HIVEP3: variants seen among roughly 807,000 people sequenced by gnomAD.
The protein encoded by HIVEP3 is HIVEP zinc finger 3, also known as transcription factor HIVEP3.
HIVEP3 carries 49 observed loss-of-function variants against 152.8 expected under a neutral mutation model. The ratio of observed to expected loss-of-function variants is 0.32; its 90% confidence interval spans 0.26 to 0.41. HIVEP3 has a LOEUF of 0.41. HIVEP3 is among the 10% of genes least tolerant of loss of function. The pLI is 1.00. For synonymous variants in HIVEP3, 1,269 were observed against 1,289.0 expected (o/e 0.98, Z 0.33); for missense variants, 2,790 against 3,103.3 (o/e 0.90, Z 2.40).
At chr1:41,836,949 C>T (rs1643141716) in intron 1 of HIVEP3, among the ~76,000 whole-genome samples, 1 of 152,224 alleles carries the variant, frequency 6.6e-6, no homozygotes, top group Admixed American at 6.5e-5. Context: ...AAATCCATCC[C>T]CTACACAGCA....
Position 41,727,332 on chromosome 1 carries a change from C to T in HIVEP3, c.-800-26337G>A, listed in dbSNP as rs996428349. 6.6e-5 allele frequency among the ~76,000 whole-genome samples: 10 copies of T among 152,198 alleles called. No homozygotes were observed. The East Asian group carries it at 9.6e-4, about 15-fold the overall frequency. ...GACAGCCACCTCAGCTTCCCCACCA[C>T]GAGGGATGAAGCCGGGAGGCAGCCC... On this transcript the variant is annotated intron_variant, in intron 1 of 8. Coordinates refer to ENST00000372583, the MANE Select transcript of HIVEP3 (RefSeq NM_024503.5).
At chr1:41,856,754 C>T (rs917233908) in intron 1 of HIVEP3, among the ~76,000 whole-genome samples, 2 of 152,126 alleles carry the variant, frequency 1.3e-5, no homozygotes, top group Non-Finnish European at 2.9e-5. Flanking sequence ...CAGAAACTCC[C>T]TCTCCTTGCT....
chr1:41,985,614 T>C (rs376187086), intron 1 of HIVEP3, among the ~76,000 whole-genome samples: 1 of 152,206 alleles, frequency 6.6e-6, no homozygotes, highest in Non-Finnish European at 1.5e-5. Flanking sequence ...CCATTGAGTT[T>C]AGGGTTTCAA....
intron 1 of HIVEP3, among the ~76,000 whole-genome samples, chr1:41,772,390 C>A (rs1247841000): frequency 6.6e-6 from 1 of 152,168 alleles, no homozygotes; most frequent in Admixed American, 6.5e-5. Context: ...ACAGGTTAAG[C>A]CAGCTGCAGG....
chr1:41,630,898 T>C (rs1037248808), intron 2 of HIVEP3, among the ~76,000 whole-genome samples: 30 of 152,222 alleles, frequency 2.0e-4, no homozygotes, highest in African/African-American at 7.0e-4. Flanking sequence ...TGGGTGGCAA[T>C]GAAATACAGT....
chr1:41,724,254 C>T (rs546772096), intron 1 of HIVEP3, among the ~76,000 whole-genome samples: 1 of 152,310 alleles, frequency 6.6e-6, no homozygotes, highest in South Asian at 2.1e-4. Flanking sequence ...AATGCAGCTT[C>T]AAGATAAGTC....
At chr1:41,762,706 C>T (rs1329606657) in intron 1 of HIVEP3, among the ~76,000 whole-genome samples, 1 of 152,238 alleles carries the variant, frequency 6.6e-6, no homozygotes, top group Non-Finnish European at 1.5e-5. Context: ...CCCACTTCTG[C>T]CATGGGCTGA....
intron 1 of HIVEP3, among the ~76,000 whole-genome samples, chr1:41,953,096 C>T (rs1645119990): frequency 6.6e-6 from 1 of 152,172 alleles, no homozygotes; most frequent in Non-Finnish European, 1.5e-5. Context: ...CTTCTGTGTT[C>T]CTGTCTCTGC....
At chr1:41,705,398 T>G (rs1034971689) in intron 1 of HIVEP3, among the ~76,000 whole-genome samples, 30 of 152,326 alleles carry the variant, frequency 2.0e-4, no homozygotes, top group African/African-American at 6.7e-4. Flanking sequence ...CCACACTGGA[T>G]CTTCAGGACT....
chr1:41,763,404 C>T (rs973352822), intron 1 of HIVEP3, among the ~76,000 whole-genome samples: 1 of 152,176 alleles, frequency 6.6e-6, no homozygotes, highest in African/African-American at 2.4e-5. Context: ...CAGCAGCAGC[C>T]ATCCAGGGAG....
chr1:41,903,904 C>CTT (rs377698322), intron 1 of HIVEP3, among the ~76,000 whole-genome samples: 1 of 140,240 alleles, frequency 7.1e-6, no homozygotes, highest in Non-Finnish European at 1.5e-5. Flanking sequence ...CTTTTTTTTT[C>CTT]TTTTTTTTTT....
intron 1 of HIVEP3, among the ~76,000 whole-genome samples, chr1:41,938,985 T>C (rs1043899047): frequency 1.3e-5 from 2 of 152,178 alleles, no homozygotes; most frequent in African/African-American, 4.8e-5. Context: ...ACATTCTTGT[T>C]CTCACACATG....
At chr1:41,779,599 G>T (rs1037429214) in intron 1 of HIVEP3, among the ~76,000 whole-genome samples, 2 of 152,206 alleles carry the variant, frequency 1.3e-5, no homozygotes. Flanking sequence ...GGGTTCAAGC[G>T]ATTCTCCTAC....
rs755819193 is a variant in HIVEP3, at chr1:41,581,119, G to A, written c.3679C>T (p.Pro1227Ser). The A allele has an allele frequency of 1.2e-5, 19 of 1,554,830 alleles. No homozygotes were observed. Among genetic ancestry groups the A allele is most frequent in the Admixed American group, 3.8e-5 (2 of 52,900 alleles). Residue 1227 changes from proline (P) to serine (S), a missense_variant, in exon 4 of 9, where the codon CCA (proline) becomes TCA (serine). Coordinates refer to ENST00000372583, the MANE Select transcript of HIVEP3 (RefSeq NM_024503.5). The surrounding 1 kb of genome is among the most constrained non-coding windows in gnomAD (Gnocchi z 4.5). ...GACAGTGCTGAGGAGGTCGGGTATG[G>A]CATGGGGAGGAAGGAAGGGGGCTGC... ...FRQPPSFLPM[P>S]YPTSSALSSG...
chr1:41,613,952 C>G (rs1383315129), intron 3 of HIVEP3, among the ~76,000 whole-genome samples: 1 of 152,210 alleles, frequency 6.6e-6, no homozygotes, highest in Non-Finnish European at 1.5e-5. Context: ...CTTAGCATAA[C>G]GTTTTTCATC....
chr1:41,548,393 C>T (rs190697219), intron 5 of HIVEP3, among the ~76,000 whole-genome samples: 11 of 152,334 alleles, frequency 7.2e-5, no homozygotes, highest in Non-Finnish European at 1.5e-4. Flanking sequence ...CCTGTCCTGC[C>T]AGCTTCCTCC....
At chr1:41,726,011 A>T (rs911247376) in intron 1 of HIVEP3, among the ~76,000 whole-genome samples, 2 of 152,234 alleles carry the variant, frequency 1.3e-5, no homozygotes, top group Non-Finnish European at 2.9e-5. Flanking sequence ...CATTGTCTGC[A>T]ATCAGGAACC....
chr1:41,655,480 CGCT>C (rs1645614340), intron 2 of HIVEP3, among the ~76,000 whole-genome samples: 1 of 148,352 alleles, frequency 6.7e-6, no homozygotes, highest in Admixed American at 6.8e-5. Flanking sequence ...CTACTTGGGA[CGCT>C]GAGGTGACAG....
chr1:41,629,099 TACTTTGCATCCAAC>T (rs1645158275), intron 2 of HIVEP3, among the ~76,000 whole-genome samples, 152 bp from the exon 3 acceptor site: 1 of 152,216 alleles, frequency 6.6e-6, no homozygotes, highest in South Asian at 2.1e-4. Flanking sequence ...CACATCCCCC[TACTTTGCATCCAAC>T]ACTTAACTTC....
Sources: gnomAD v4.1 joint callset for allele counts (sites outside exome capture counted in the v4.1 genomes callset) on GRCh38, gnomAD v4.1.1 for gene constraint, Gnocchi (gnomAD v3.1) non-coding constraint, MANE v1.5 for transcripts, NCBI Gene and HGNC (gene_info 2026-07-23, HGNC 2026-07-21) for gene names.